The following SGCZ variants were observed in gnomAD, a reference collection of about 807,000 sequenced individuals.
SGCZ encodes zeta-sarcoglycan.
Under a neutral mutation model 41.3 loss-of-function variants are expected in SGCZ, and 40 were observed. That is an observed-to-expected ratio of 0.97 (90% CI 0.75 to 1.26). SGCZ has a LOEUF of 1.26. Among genes scored for constraint, SGCZ ranks in the 50% most tolerant of loss-of-function variants. SGCZ has a pLI of 0.00. For missense variants in SGCZ, 552 were observed against 369.8 expected (o/e 1.49, Z -4.04); for synonymous variants, 206 against 137.5 (o/e 1.50, Z -3.49).
intron 1 of SGCZ, among the ~76,000 whole-genome samples, chr8:14,981,618 C>G (rs767174931): frequency 1.3e-5 from 2 of 152,132 alleles, no homozygotes; most frequent in Non-Finnish European, 2.9e-5. Flanking sequence ...ATCCAAGTGG[C>G]TTTTTGTTCA....
chr8:15,222,920 T>C (rs1801652380), intron 1 of SGCZ, among the ~76,000 whole-genome samples: 1 of 152,190 alleles, frequency 6.6e-6, no homozygotes, highest in South Asian at 2.1e-4. Flanking sequence ...ATTGCCAACA[T>C]TCAATTTTAG....
rs149590091 is a variant in SGCZ, at chr8:15,181,306, T to C, written c.39+56279A>G. 3.3e-3 allele frequency among the ~76,000 whole-genome samples: 506 copies of C among 152,232 alleles called. 2 individuals are homozygous for C. Among genetic ancestry groups the C allele is most frequent in the African/African-American group, 0.012 (481 of 41,528 alleles). On this transcript the variant is annotated intron_variant, in intron 1 of 7. Transcript: ENST00000382080. ...GCACCTCGCTCTTCACCTTTTTTTCTACTTAAGAGTTTATAATTATATTTG... is the reference window on the plus strand; with the variant it reads ...GCACCTCGCTCTTCACCTTTTTTTCCACTTAAGAGTTTATAATTATATTTG...
chr8:14,869,150 G>A (rs1804049856), intron 1 of SGCZ, among the ~76,000 whole-genome samples: 2 of 152,058 alleles, frequency 1.3e-5, no homozygotes. Flanking sequence ...GAAAATTTCA[G>A]GCCAATATCC....
At chr8:14,652,802 G>T (rs1336341017) in intron 1 of SGCZ, among the ~76,000 whole-genome samples, 6 of 152,076 alleles carry the variant, frequency 3.9e-5, no homozygotes, top group African/African-American at 1.4e-4. Flanking sequence ...TTTAAATATA[G>T]ATGAGGTGTC....
At chr8:14,141,856 C>G (rs1420070461) in intron 5 of SGCZ, among the ~76,000 whole-genome samples, 1 of 152,204 alleles carries the variant, frequency 6.6e-6, no homozygotes, top group Non-Finnish European at 1.5e-5. Context: ...GCTATAAAGA[C>G]ACATGCACAC....
intron 1 of SGCZ, among the ~76,000 whole-genome samples, chr8:14,775,017 T>G (rs1228175876): frequency 6.6e-6 from 1 of 152,140 alleles, no homozygotes; most frequent in Non-Finnish European, 1.5e-5. Flanking sequence ...ATGGAAAATA[T>G]TCAAGCACAT....
At chr8:14,576,148 T>C (rs535070820) in intron 1 of SGCZ, among the ~76,000 whole-genome samples, 1 of 152,288 alleles carries the variant, frequency 6.6e-6, no homozygotes, top group South Asian at 2.1e-4. Flanking sequence ...TATGTGAGAT[T>C]TGTGCTTTAG....
At chr8:14,532,726 G>A (rs1803171173) in intron 2 of SGCZ, among the ~76,000 whole-genome samples, 1 of 125,082 alleles carries the variant, frequency 8.0e-6, no homozygotes, top group Non-Finnish European at 1.6e-5. Flanking sequence ...GGAGGGCGGG[G>A]GGGAGGAGGG....
chr8:14,668,902 C>T (rs7817298), intron 1 of SGCZ, among the ~76,000 whole-genome samples: 82,688 of 151,824 alleles, frequency 0.54, 24,039 homozygotes, highest in East Asian at 0.74. Context: ...AACAAATCTA[C>T]CACTCAGTTA....
intron 3 of SGCZ, among the ~76,000 whole-genome samples, chr8:14,260,109 C>G (rs1255202468): frequency 6.6e-6 from 1 of 152,066 alleles, no homozygotes; most frequent in African/African-American, 2.4e-5. Context: ...ATTTGGCTCT[C>G]TGTTTGTCTG....
At chr8:14,622,837 A>C (rs1806329610) in intron 1 of SGCZ, among the ~76,000 whole-genome samples, 1 of 152,220 alleles carries the variant, frequency 6.6e-6, no homozygotes, top group Non-Finnish European at 1.5e-5. Flanking sequence ...AATTCAAAAT[A>C]TAGTTAGTTC....
At chr8:14,171,149 TAA>T (rs3068453) in intron 4 of SGCZ, among the ~76,000 whole-genome samples, 26,482 of 140,078 alleles carry the variant, frequency 0.19, 3,169 homozygotes, top group African/African-American at 0.34. Flanking sequence ...TGTGTTTCAT[TAA>T]AAAAAAAAAA....
chr8:14,788,506 C>T (rs530506514), intron 1 of SGCZ, among the ~76,000 whole-genome samples: 51 of 152,256 alleles, frequency 3.3e-4, no homozygotes, highest in African/African-American at 1.1e-3. Flanking sequence ...CATAATTCTT[C>T]TGGGGACAGT....
At chr8:14,928,998 T>G (rs62493339) in intron 1 of SGCZ, among the ~76,000 whole-genome samples, 2,544 of 152,226 alleles carry the variant, frequency 0.017, 32 homozygotes, top group Non-Finnish European at 0.022. Flanking sequence ...TTTACTTACT[T>G]ATTTATTTTT....
intron 1 of SGCZ, among the ~76,000 whole-genome samples, chr8:14,732,988 C>T (rs181410140): frequency 3.3e-5 from 5 of 152,226 alleles, no homozygotes; most frequent in Admixed American, 3.3e-4. Flanking sequence ...CATGTATTAA[C>T]CTCGTGTTTC....
intron 1 of SGCZ, among the ~76,000 whole-genome samples, chr8:14,958,818 A>G (rs1010120699): frequency 1.3e-5 from 2 of 152,142 alleles, no homozygotes; most frequent in South Asian, 2.1e-4. Flanking sequence ...TTTTTAAATG[A>G]ATAAAAATAT....
At chr8:14,984,672 G>A (rs940679126) in intron 1 of SGCZ, among the ~76,000 whole-genome samples, 8 of 152,002 alleles carry the variant, frequency 5.3e-5, no homozygotes, top group Non-Finnish European at 1.2e-4. Flanking sequence ...TGATTTTCTG[G>A]CAATACATAT....
At chr8:14,885,990 TA>T (rs1563339057) in intron 1 of SGCZ, among the ~76,000 whole-genome samples, 1 of 24,968 alleles carries the variant, frequency 4.0e-5, no homozygotes, top group African/African-American at 1.5e-4. Flanking sequence ...TTATGTTATA[TA>T]TATATATATA....
intron 1 of SGCZ, among the ~76,000 whole-genome samples, chr8:15,106,926 G>T (rs1402925884): frequency 6.6e-6 from 1 of 151,776 alleles, no homozygotes; most frequent in Non-Finnish European, 1.5e-5. Flanking sequence ...TTCAGGATTT[G>T]GTGTTGAATT....
Sources: allele counts gnomAD v4.1 joint callset (sites outside exome capture counted in the v4.1 genomes callset), GRCh38; gene constraint gnomAD v4.1.1; transcripts MANE v1.5; gene names NCBI Gene and HGNC (gene_info 2026-07-23, HGNC 2026-07-21).